UBL3: variants seen among roughly 807,000 people sequenced by gnomAD.
UBL3 encodes the protein ubiquitin-like protein 3.
In UBL3, 6 loss-of-function variants were observed where a neutral mutation model predicts 18.4. That is an observed-to-expected ratio of 0.33 (90% confidence interval 0.18 to 0.64). The LOEUF is 0.64. Ranked by LOEUF, UBL3 falls within the 30% of genes least tolerant of loss-of-function variation. The pLI, the probability that UBL3 is intolerant of heterozygous loss-of-function variation, is 0.76. For synonymous variants in UBL3, 49 were observed against 46.6 expected, an observed-to-expected ratio of 1.05 and a Z score of -0.21; for missense variants, 109 against 142.9, an observed-to-expected ratio of 0.76 and a Z score of 1.21.
chr13:29,827,879 T>C (rs972451152), intron 1 of UBL3, among the ~76,000 whole-genome samples: 1 of 152,222 alleles, frequency 6.6e-6, no homozygotes, highest in Non-Finnish European at 1.5e-5. Context: ...GGCCTGGTGG[T>C]GACAAAATCT....
intron 1 of UBL3, among the ~76,000 whole-genome samples, chr13:29,849,149 C>G (rs1336412846): frequency 6.6e-6 from 1 of 152,208 alleles, no homozygotes; most frequent in African/African-American, 2.4e-5. Context: ...CCTATTCTCT[C>G]GTAGGGACAC....
At chr13:29,848,201 T>C (rs1879275439) in intron 1 of UBL3, among the ~76,000 whole-genome samples, 1 of 144,290 alleles carries the variant, frequency 6.9e-6, no homozygotes, top group Admixed American at 7.5e-5. Context: ...CCCAGCACTT[T>C]GGGAGGCCAA....
chr13:29,837,222 T>G (rs980609182), intron 1 of UBL3, among the ~76,000 whole-genome samples: 3 of 151,522 alleles, frequency 2.0e-5, no homozygotes, highest in African/African-American at 7.3e-5. Flanking sequence ...GATCAAATAA[T>G]CAAAAACAAA....
intron 1 of UBL3, among the ~76,000 whole-genome samples, chr13:29,835,131 T>A (rs978217525): frequency 0.077 from 405 of 5,234 alleles, 11 homozygotes; most frequent in Middle Eastern, 0.17. Context: ...TATAAATATA[T>A]ATATATATAT....
intron 1 of UBL3, among the ~76,000 whole-genome samples, chr13:29,816,623 C>T (rs1418246642): frequency 1.3e-5 from 2 of 151,436 alleles, no homozygotes; most frequent in Admixed American, 6.6e-5. Context: ...GGCATGGTGG[C>T]ACATGCCTGT....
At chr13:29,784,430 C>A (rs1313614059) in intron 1 of UBL3, among the ~76,000 whole-genome samples, 1 of 152,100 alleles carries the variant, frequency 6.6e-6, no homozygotes, top group African/African-American at 2.4e-5. Context: ...ACTTCACATG[C>A]CAGTCTTCCT....
intron 1 of UBL3, among the ~76,000 whole-genome samples, chr13:29,841,699 G>C (rs973156573): frequency 7.2e-5 from 11 of 152,166 alleles, no homozygotes; most frequent in Non-Finnish European, 1.3e-4. Flanking sequence ...CTCAGTTACC[G>C]TTGTGGGGAG....
intron 1 of UBL3, among the ~76,000 whole-genome samples, chr13:29,845,507 C>G (rs977431233): frequency 5.9e-5 from 9 of 152,002 alleles, no homozygotes; most frequent in Non-Finnish European, 8.8e-5. Context: ...TTTTCTGGAC[C>G]TTTTCCTTTC....
chr13:29,797,368 A>T (rs1346067630), intron 1 of UBL3, among the ~76,000 whole-genome samples: 1 of 152,224 alleles, frequency 6.6e-6, no homozygotes, highest in African/African-American at 2.4e-5. Context: ...TCTTAGAATT[A>T]TAGGAATTTA....
intron 1 of UBL3, among the ~76,000 whole-genome samples, chr13:29,844,654 T>C (rs1879186919): frequency 6.6e-6 from 1 of 152,138 alleles, no homozygotes; most frequent in African/African-American, 2.4e-5. Context: ...TTACCCAAGG[T>C]TTCCAGGTTA....
At chr13:29,788,840 T>TGTGTGTGC (rs1877394241) in intron 1 of UBL3, among the ~76,000 whole-genome samples, 1 of 13,600 alleles carries the variant, frequency 7.4e-5, no homozygotes, top group African/African-American at 2.7e-4. Flanking sequence ...AATGGGGAAG[T>TGTGTGTGC]GTGTGTGTGT....
At chr13:29,801,663 G>A (rs1042749165) in intron 1 of UBL3, among the ~76,000 whole-genome samples, 5 of 152,168 alleles carry the variant, frequency 3.3e-5, no homozygotes, top group Admixed American at 1.3e-4. Flanking sequence ...CCCTCGGACC[G>A]GGGAAGGAGT....
chr13:29,783,522 C>T (rs988044587), intron 1 of UBL3, among the ~76,000 whole-genome samples: 2 of 152,092 alleles, frequency 1.3e-5, no homozygotes, highest in Non-Finnish European at 2.9e-5. Context: ...ATCTTGAAAG[C>T]AATCACGCAG....
At chr13:29,811,025 G>A (rs1160184568) in intron 1 of UBL3, among the ~76,000 whole-genome samples, 2 of 151,956 alleles carry the variant, frequency 1.3e-5, no homozygotes, top group Non-Finnish European at 2.9e-5. Context: ...GGGGAGGAAG[G>A]GTCATTTCTC....
intron 1 of UBL3, among the ~76,000 whole-genome samples, chr13:29,785,332 T>C (rs922248446): frequency 2.0e-5 from 3 of 148,206 alleles, no homozygotes; most frequent in Non-Finnish European, 4.5e-5. Context: ...GGTTAATTTA[T>C]AATTGTCTTA....
intron 1 of UBL3, among the ~76,000 whole-genome samples, chr13:29,835,140 ATATATATATATATAT>A (rs1878915812): frequency 1.8e-4 from 2 of 11,292 alleles, no homozygotes; most frequent in Admixed American, 2.0e-3. Flanking sequence ...ATATATATAT[ATATATATATATATAT>A]ATATATATAT....
chr13:29,835,104 A>C (rs533137148), intron 1 of UBL3, among the ~76,000 whole-genome samples: 2 of 27,952 alleles, frequency 7.2e-5, no homozygotes, highest in African/African-American at 7.1e-4. Context: ...ATATATATAT[A>C]TAAATATATA....
At chr13:29,847,326 C>A (rs1047734902) in intron 1 of UBL3, among the ~76,000 whole-genome samples, 1 of 152,190 alleles carries the variant, frequency 6.6e-6, no homozygotes, top group Non-Finnish European at 1.5e-5. Context: ...ATCATCAGGG[C>A]ATTATATATT....
At chr13:29,773,940 GTTA>G (rs1389225959) in intron 2 of UBL3, among the ~76,000 whole-genome samples, 1 of 152,058 alleles carries the variant, frequency 6.6e-6, no homozygotes, top group Non-Finnish European at 1.5e-5. Flanking sequence ...CCACACATTT[GTTA>G]TTAACATCAA....
Sources: allele counts gnomAD v4.1 joint callset (sites outside exome capture counted in the v4.1 genomes callset), GRCh38; gene constraint gnomAD v4.1.1; transcripts MANE v1.5; gene names NCBI Gene and HGNC (gene_info 2026-07-23, HGNC 2026-07-21).